Variants in IWS1 observed in about 807,000 individuals in gnomAD.
IWS1 encodes protein IWS1 homolog.
IWS1 carries 27 observed loss-of-function variants against 86.7 expected under a neutral mutation model. That is an observed-to-expected ratio of 0.31 (90% CI 0.23 to 0.43). The LOEUF is 0.43. IWS1 is among the 20% of genes least tolerant of loss of function. IWS1 has a pLI of 1.00. For missense variants in IWS1, 827 were observed against 1,000.8 expected (o/e 0.83, Z 2.34); for synonymous variants, 313 against 335.1 (o/e 0.93, Z 0.72).
Position 127,505,520 on chromosome 2 carries a change from A to C in IWS1, c.383T>G (p.Leu128Ter), listed in dbSNP as rs1691090757. Reference sequence around the variant, plus strand: ...CTCATTTTCAGAGTCACTACCAGGTAATTTCCTGGTCTCTTCACTCTCAGA... The same window carrying C: ...CTCATTTTCAGAGTCACTACCAGGTCATTTCCTGGTCTCTTCACTCTCAGA... ...SDSESEETRK[L>*]PGSDSENEEL... The change falls in exon 3 of 14, where the codon TTA becomes TGA. Residue 128 changes from leucine (L) to a stop codon, truncating the protein, a stop_gained. Coordinates refer to ENST00000295321, the MANE Select transcript of IWS1 (RefSeq NM_017969.3). LOFTEE classifies it high-confidence loss of function. The surrounding 1 kb of genome is among the most constrained non-coding windows in gnomAD (Gnocchi z 5.0). 6.2e-7 allele frequency: 1 copy of C among 1,613,866 alleles called. No individual in the cohort carries two copies. The highest frequency in any genetic ancestry group is 8.5e-7 in the Non-Finnish European group (1 of 1,179,950).
At chr2:127,527,057 A>ACTT (rs1466495555), upstream of IWS1, among the ~76,000 whole-genome samples, 2 of 152,206 alleles carry the variant, frequency 1.3e-5, no homozygotes, top group African/African-American at 4.8e-5. Context: ...CCCTGATGAA[A>ACTT]CACCGGAGGA....
At chr2:127,498,314 G>T (rs970128647) in intron 5 of IWS1, 77 bp from the exon 6 acceptor site, 18 of 1,405,608 alleles carry the variant, frequency 1.3e-5, no homozygotes, top group Admixed American at 2.4e-5. Context: ...CATTTTTAAA[G>T]TAATTCATTC....
At chr2:127,519,789 C>A (rs1414472042) in intron 2 of IWS1, among the ~76,000 whole-genome samples, 4 of 152,050 alleles carry the variant, frequency 2.6e-5, no homozygotes, top group Admixed American at 6.5e-5. Context: ...ATTATAATTA[C>A]AAAGGTTCTT....
In IWS1 at chr2:127,505,887, AC is replaced by A; in HGVS notation, c.151-136del. ...CCTAAATGGAGAATTCTTGTCCTATACCCATATAGAAACACCCCCACAGAAA... is the reference window on the plus strand; with the variant it reads ...CCTAAATGGAGAATTCTTGTCCTATACCATATAGAAACACCCCCACAGAAA... On this transcript the variant is annotated intron_variant, in intron 2 of 13. Coordinates refer to ENST00000295321, the MANE Select transcript of IWS1 (RefSeq NM_017969.3). This position sits in a 1 kb window ranked among gnomAD's most constrained non-coding sequence, Gnocchi z 5.0. 1 of 589,662 alleles carries A rather than the reference AC, an allele frequency of 1.7e-6. No homozygotes were observed. The highest frequency in any genetic ancestry group is 2.8e-6 in the Non-Finnish European group (1 of 353,652). The allele number at this position is 589,662 out of a possible 1,614,324, so 36.5% of individuals were successfully genotyped here. A position where few individuals can be genotyped will look rare whatever the true frequency, so the allele number is the denominator to read the frequency against.
chr2:127,487,680 A>G (rs1165388116), intron 12 of IWS1, among the ~76,000 whole-genome samples: 1 of 152,122 alleles, frequency 6.6e-6, no homozygotes, highest in Admixed American at 6.5e-5. Context: ...CCTACAAAGT[A>G]GCTGGGACTA....
intron 5 of IWS1, among the ~76,000 whole-genome samples, chr2:127,500,192 TAAAG>T (rs1366340200): frequency 6.6e-6 from 1 of 152,164 alleles, no homozygotes; most frequent in African/African-American, 2.4e-5. Flanking sequence ...AAAAAATTTT[TAAAG>T]AAAGACTCCA....
intron 2 of IWS1, among the ~76,000 whole-genome samples, chr2:127,508,256 A>G (rs551417910): frequency 1.3e-4 from 20 of 152,238 alleles, no homozygotes; most frequent in Non-Finnish European, 2.8e-4. Flanking sequence ...CCAGCCAAGC[A>G]TACTGTAACA....
chr2:127,518,790 G>A (rs981988084), intron 2 of IWS1, among the ~76,000 whole-genome samples: 2 of 151,900 alleles, frequency 1.3e-5, no homozygotes, highest in East Asian at 1.9e-4. Context: ...GGCTGGTCTC[G>A]AACTCTTGAC....
chr2:127,503,616 C>T, intron 3 of IWS1, 40 bp from the exon 4 acceptor site: 14 of 1,501,502 alleles, frequency 9.3e-6, no homozygotes, highest in Non-Finnish European at 1.3e-5. Flanking sequence ...TATTTTATCA[C>T]AGCCATTGTA....
At chr2:127,488,234 T>C (rs139354906) in intron 12 of IWS1, 1 of 152,392 alleles carries the variant, frequency 6.6e-6, no homozygotes, top group Non-Finnish European at 1.5e-5. Context: ...ACTCTCTTGA[T>C]TGAACAATCT....
At chr2:127,482,246 G>A (rs3732208) in intron 13 of IWS1, 18,507 of 152,186 alleles carry the variant, frequency 0.12, 1,811 homozygotes, top group African/African-American at 0.25. Context: ...GAGCTTTGGT[G>A]GAATCTTATC....
Position 127,489,458 on chromosome 2 carries a change from G to A in IWS1, c.2160-223C>T, listed in dbSNP as rs904897945. Reference sequence around the variant, plus strand: ...CGTAATTGCCACATTTGTAACTAATGACCCTGTCCTCCTGGATGCAACTGT... The same window carrying A: ...CGTAATTGCCACATTTGTAACTAATAACCCTGTCCTCCTGGATGCAACTGT... On this transcript the variant is annotated intron_variant, in intron 11 of 13. Transcript: ENST00000295321. This position sits in a 1 kb window ranked among gnomAD's most constrained non-coding sequence, Gnocchi z 4.8. 20 of 555,480 alleles carry A rather than the reference G, an allele frequency of 3.6e-5. No homozygotes were observed. Among genetic ancestry groups the A allele is most frequent in the Middle Eastern group, 4.7e-4 (1 of 2,124 alleles). 34.4% of individuals were successfully genotyped at this position (555,480 alleles called of 1,614,324 possible).
At chr2:127,500,442 T>C (rs1387861160) in intron 5 of IWS1, among the ~76,000 whole-genome samples, 1 of 152,170 alleles carries the variant, frequency 6.6e-6, no homozygotes, top group Non-Finnish European at 1.5e-5. Context: ...CGCAAACAAT[T>C]TTAAAATCTT....
rs766986149 is a variant in IWS1 at position 127,505,548 on chromosome 2, C to T, written c.355G>A (p.Asp119Asn). 44 of 1,613,818 alleles carry T rather than the reference C, an allele frequency of 2.7e-5. No individual in the cohort carries two copies. The highest frequency in any genetic ancestry group is 1.6e-4 in the Middle Eastern group (1 of 6,084). The change falls in exon 3 of 14, where the codon GAC becomes AAC. Residue 119 changes from aspartate (D) to asparagine (N), a missense_variant. Asp to Asn is a conservative substitution (Grantham distance 23). Coordinates refer to ENST00000295321, the MANE Select transcript of IWS1 (RefSeq NM_017969.3). The surrounding 1 kb of genome is among the most constrained non-coding windows in gnomAD (Gnocchi z 5.0). ...TTCCTGGTCTCTTCACTCTCAGAGT[C>T]GCTCCCATGCTGATTGACATCCTCA... Reference protein sequence around the residue: ...ENEDVNQHGSDSESEETRKLP... With the variant: ...ENEDVNQHGSNSESEETRKLP...
rs149347117 is a variant in IWS1 at position 127,521,424 on chromosome 2, C to T, written c.150+2252G>A. The stretch of plus-strand genomic sequence containing the variant: ...GGTTTTAATTTTTTTCTTTAAACTT[C>T]ACAGATGCAGGAGTGCCTCAACTTA... On this transcript the variant is annotated intron_variant, in intron 2 of 13. Coordinates refer to ENST00000295321, the MANE Select transcript of IWS1 (RefSeq NM_017969.3). 6.9e-3 allele frequency among the ~76,000 whole-genome samples: 1,043 copies of T among 152,238 alleles called. 14 individuals are homozygous for T. Among genetic ancestry groups the T allele is most frequent in the African/African-American group, 0.024 (1,004 of 41,532 alleles).
At position 127,523,689 on chromosome 2, in the gene IWS1, T is replaced by C; in HGVS notation, c.137A>G (p.Glu46Gly). 1 of 1,610,994 alleles carries C rather than the reference T, an allele frequency of 6.2e-7. No homozygotes were observed. The highest frequency in any genetic ancestry group is 8.5e-7 in the Non-Finnish European group (1 of 1,177,870). The change falls in exon 2 of 14, where the codon GAA (glutamate) becomes GGA (glycine). Residue 46 changes from glutamate to glycine, a missense_variant. Glu to Gly is a moderately conservative substitution (Grantham distance 98, BLOSUM62 -2). Coordinates refer to ENST00000295321, the MANE Select transcript of IWS1 (RefSeq NM_017969.3). The stretch of plus-strand genomic sequence containing the variant: ...GTTAGCCAATACCTCTGAATGACGT[T>C]CTACACTTCCAGTGTCTGATCCGGA... ...QHSGSDTGSVERHSENETSDR... is the reference protein window; with the variant it reads ...QHSGSDTGSVGRHSENETSDR...
intron 2 of IWS1, among the ~76,000 whole-genome samples, chr2:127,512,150 A>G (rs548178173): frequency 2.0e-5 from 3 of 152,310 alleles, no homozygotes; most frequent in African/African-American, 7.2e-5. Context: ...GGGTACTTCT[A>G]TATATAGATA....
chr2:127,513,718 ATTATT>A (rs71993504), intron 2 of IWS1, among the ~76,000 whole-genome samples: 22,786 of 152,062 alleles, frequency 0.15, 3,056 homozygotes, highest in African/African-American at 0.35. Flanking sequence ...ATTCTACCAA[ATTATT>A]TTCTTTTTTA....
chr2:127,526,253 C>G lies in IWS1; in HGVS notation c.-45G>C. 6.5e-7 allele frequency: 1 copy of G among 1,549,566 alleles called. No individual in the cohort carries two copies. The highest frequency in any genetic ancestry group is 8.7e-7 in the Non-Finnish European group (1 of 1,147,966). On this transcript the variant is annotated 5_prime_UTR_variant, in exon 1 of 14. Coordinates refer to ENST00000295321, the MANE Select transcript of IWS1 (RefSeq NM_017969.3). ...GGGAGTGTCCGCGCCCCGCGCCGCCCCCGTCACCTCCTTCCAGGCGGTGTG... is the reference window on the plus strand; with the variant it reads ...GGGAGTGTCCGCGCCCCGCGCCGCCGCCGTCACCTCCTTCCAGGCGGTGTG...
Sources: allele counts gnomAD v4.1 joint callset (sites outside exome capture counted in the v4.1 genomes callset), GRCh38; gene constraint gnomAD v4.1.1; non-coding constraint Gnocchi (gnomAD v3.1); transcripts MANE v1.5; gene names NCBI Gene and HGNC (gene_info 2026-07-23, HGNC 2026-07-21).